The following GPR89A variants were observed in gnomAD, a reference collection of about 807,000 sequenced individuals.
GPR89A encodes the protein G protein-coupled receptor 89A.
Under a neutral mutation model 52.0 loss-of-function variants are expected in GPR89A, and 16 were observed. The observed-to-expected ratio is 0.31, with a 90% confidence interval of 0.21 to 0.47. GPR89A has a LOEUF of 0.47. GPR89A is among the 20% of genes least tolerant of loss of function. The pLI, the probability that GPR89A is intolerant of heterozygous loss-of-function variation, is 1.00. For missense variants in GPR89A, 135 were observed against 449.4 expected (o/e 0.30, Z 6.33); for synonymous variants, 55 against 150.9 (o/e 0.36, Z 4.66).
chr1:145,663,518 C>G lies in GPR89A; in HGVS notation c.1005+94C>G, dbSNP rs1169459604. The G allele has an allele frequency of 2.7e-5, 41 of 1,504,724 alleles. No individual in the cohort carries two copies. In the South Asian group the frequency reaches 3.0e-4, roughly 11 times the overall value. 93.2% of individuals were successfully genotyped at this position (1,504,724 alleles called of 1,614,324 possible). A position where few individuals can be genotyped will look rare whatever the true frequency, so the allele number is the denominator to read the frequency against. On this transcript the variant is annotated intron_variant, in intron 11 of 13. Transcript: ENST00000313835. ...GATTCTAATTTGTATACTTTAGGTA[C>G]TTGCTTCTGCTTTTGTTCTTCCCAC...
chr1:145,628,843 A>G (rs1376183582), intron 5 of GPR89A, among the ~76,000 whole-genome samples: 1 of 152,230 alleles, frequency 6.6e-6, no homozygotes, highest in East Asian at 1.9e-4. Context: ...TTCTTTTAAG[A>G]AGCCTGGCTA....
At chr1:145,610,641 G>A (rs1270246098) in intron 1 of GPR89A, among the ~76,000 whole-genome samples, 1 of 152,090 alleles carries the variant, frequency 6.6e-6, no homozygotes, top group African/African-American at 2.4e-5. Flanking sequence ...CTACCACATT[G>A]TTTGGTAATT....
intron 5 of GPR89A, among the ~76,000 whole-genome samples, chr1:145,630,096 G>A (rs1392894123): frequency 2.7e-5 from 4 of 150,454 alleles, no homozygotes; most frequent in Non-Finnish European, 4.4e-5. Context: ...GCATTCTCAC[G>A]TGATATGAAA....
chr1:145,655,379 C>T (rs1252406019), intron 10 of GPR89A, among the ~76,000 whole-genome samples: 35 of 151,278 alleles, frequency 2.3e-4, no homozygotes, highest in African/African-American at 8.5e-4. Flanking sequence ...AGAAGAGGCA[C>T]TCTGGCTTTT....
chr1:145,609,292 G>A (rs1648083160), intron 1 of GPR89A, among the ~76,000 whole-genome samples: 1 of 152,154 alleles, frequency 6.6e-6, no homozygotes, highest in Admixed American at 6.5e-5. Context: ...GTAGAGCGGA[G>A]CATTGTCCTT....
chr1:145,620,270 A>C (rs1649050725), intron 3 of GPR89A, among the ~76,000 whole-genome samples: 2 of 152,312 alleles, frequency 1.3e-5, no homozygotes, highest in East Asian at 3.9e-4. Flanking sequence ...TGTTGTAGAG[A>C]GAAAACAGTC....
intron 7 of GPR89A, among the ~76,000 whole-genome samples, chr1:145,637,834 AG>A (rs587635244): frequency 1.7e-3 from 254 of 152,300 alleles, no homozygotes; most frequent in South Asian, 9.1e-3. Context: ...AAATTTTACT[AG>A]GTGGGCTTAA....
At chr1:145,628,436 T>G (rs2101764360) in intron 5 of GPR89A, among the ~76,000 whole-genome samples, 2 of 152,098 alleles carry the variant, frequency 1.3e-5, no homozygotes, top group East Asian at 3.9e-4. Flanking sequence ...AAATGTTGAA[T>G]TTTGCAACCA....
chr1:145,619,742 A>G (rs1310073507), intron 3 of GPR89A, among the ~76,000 whole-genome samples: 12 of 152,044 alleles, frequency 7.9e-5, no homozygotes, highest in East Asian at 1.9e-4. Flanking sequence ...TTGGCCGGGC[A>G]CGGTGGCTCA....
intron 10 of GPR89A, among the ~76,000 whole-genome samples, chr1:145,649,392 C>G (rs1255760963): frequency 2.0e-5 from 3 of 151,822 alleles, no homozygotes; most frequent in Non-Finnish European, 4.4e-5. Context: ...AAGTAGAATC[C>G]TACAGTATGT....
At chr1:145,667,487 G>A (rs1553696676) in intron 12 of GPR89A, among the ~76,000 whole-genome samples, 1 of 152,106 alleles carries the variant, frequency 6.6e-6, no homozygotes, top group African/African-American at 2.4e-5. Flanking sequence ...TGTCAGATAA[G>A]TAGATTGCAA....
intron 10 of GPR89A, among the ~76,000 whole-genome samples, chr1:145,658,734 T>A (rs1461382517): frequency 2.0e-5 from 3 of 151,544 alleles, no homozygotes; most frequent in Non-Finnish European, 4.4e-5. Context: ...TGTTTCTACT[T>A]TTGGGCCATT....
intron 10 of GPR89A, 59 bp from the exon 11 acceptor site, chr1:145,663,270 T>C (rs1159797364): frequency 6.2e-7 from 1 of 1,608,492 alleles, no homozygotes; most frequent in East Asian, 2.2e-5. Context: ...TTTCAGTCAC[T>C]TTTTGAAATA....
At chr1:145,635,944 C>T (rs1553690659) in intron 7 of GPR89A, among the ~76,000 whole-genome samples, 2 of 151,198 alleles carry the variant, frequency 1.3e-5, no homozygotes, top group African/African-American at 4.9e-5. Context: ...GGGGGCAGAA[C>T]GAGACTCTGT....
At chr1:145,646,056 G>T (rs1650965599) in intron 8 of GPR89A, 128 bp from the exon 9 acceptor site, 2 of 1,444,322 alleles carry the variant, frequency 1.4e-6, no homozygotes, top group Non-Finnish European at 1.9e-6. Flanking sequence ...TGCTGGCTAT[G>T]AAACAGGAAA....
chr1:145,614,740 T>C (rs1470927799), intron 1 of GPR89A, among the ~76,000 whole-genome samples: 2 of 152,170 alleles, frequency 1.3e-5, no homozygotes, highest in African/African-American at 4.8e-5. Flanking sequence ...TAAAAAGCAA[T>C]TTATCTGCAT....
chr1:145,667,699 T>C (rs1261928256), intron 12 of GPR89A, among the ~76,000 whole-genome samples: 34 of 152,174 alleles, frequency 2.2e-4, no homozygotes, highest in Admixed American at 5.2e-4. Flanking sequence ...GTTTTTATGG[T>C]TTTAGGTCTA....
intron 10 of GPR89A, among the ~76,000 whole-genome samples, chr1:145,649,345 C>T (rs2101814052): frequency 6.6e-6 from 1 of 152,262 alleles, no homozygotes; most frequent in South Asian, 2.1e-4. Context: ...TGCCTTCTCT[C>T]ATTATATATT....
chr1:145,654,948 G>A (rs1344614736), intron 10 of GPR89A, among the ~76,000 whole-genome samples: 3 of 150,240 alleles, frequency 2.0e-5, no homozygotes, highest in Non-Finnish European at 3.0e-5. Flanking sequence ...CCGTAGGTTC[G>A]GTATTTTTAT....
Sources: allele counts gnomAD v4.1 joint callset (sites outside exome capture counted in the v4.1 genomes callset), GRCh38; gene constraint gnomAD v4.1.1; transcripts MANE v1.5; gene names NCBI Gene and HGNC (gene_info 2026-07-23, HGNC 2026-07-21).